TAFA2: variants seen among roughly 807,000 people sequenced by gnomAD.
TAFA2 encodes TAFA chemokine like family member 2.
Under a neutral mutation model 18.8 loss-of-function variants are expected in TAFA2, and 7 were observed. The ratio of observed to expected loss-of-function variants is 0.37; its 90% CI spans 0.21 to 0.70. The LOEUF is 0.70. TAFA2 is among the 30% of genes least tolerant of loss of function. TAFA2 has a pLI of 0.53. For missense variants in TAFA2, 122 were observed against 158.1 expected (o/e 0.77, Z 1.23); for synonymous variants, 60 against 54.2 (o/e 1.11, Z -0.47).
intron 1 of TAFA2, among the ~76,000 whole-genome samples, chr12:62,153,215 G>T (rs1202874094): frequency 6.6e-6 from 1 of 152,126 alleles, no homozygotes; most frequent in East Asian, 1.9e-4. Flanking sequence ...ACCCATGCAG[G>T]TGTTTGTCAC....
chr12:62,047,856 G>A (rs750734538), intron 1 of TAFA2, among the ~76,000 whole-genome samples: 43 of 152,134 alleles, frequency 2.8e-4, no homozygotes, highest in Non-Finnish European at 5.9e-5. Flanking sequence ...AGGAGAATAT[G>A]CATGCTGAAA....
chr12:62,105,045 G>A (rs531925942), intron 1 of TAFA2: 9 of 185,220 alleles, frequency 4.9e-5, no homozygotes, highest in Middle Eastern at 2.3e-3. Flanking sequence ...AGGGGGAAAG[G>A]TCTCCCTTTT....
chr12:61,990,176 T>C (rs772641551), intron 1 of TAFA2, among the ~76,000 whole-genome samples: 1 of 152,034 alleles, frequency 6.6e-6, no homozygotes, highest in Non-Finnish European at 1.5e-5. Context: ...TCAAGACAGC[T>C]GCAGTATAAT....
chr12:62,086,775 C>T (rs1868475488), intron 1 of TAFA2, among the ~76,000 whole-genome samples: 2 of 152,070 alleles, frequency 1.3e-5, no homozygotes, highest in Non-Finnish European at 2.9e-5. Context: ...CCAGCAATTT[C>T]ACATCTGGTT....
At chr12:61,877,340 A>G (rs1422392834) in intron 1 of TAFA2, among the ~76,000 whole-genome samples, 3 of 152,060 alleles carry the variant, frequency 2.0e-5, no homozygotes, top group Non-Finnish European at 1.5e-5. Flanking sequence ...CATTTTCCTT[A>G]TGGATGAATT....
intron 2 of TAFA2, among the ~76,000 whole-genome samples, chr12:61,778,073 C>T (rs560924141): frequency 1.3e-5 from 2 of 151,870 alleles, no homozygotes; most frequent in Admixed American, 6.6e-5. Flanking sequence ...AGTTATTTCA[C>T]TAAAAAGTCT....
At chr12:62,047,739 T>A (rs1276561816) in intron 1 of TAFA2, among the ~76,000 whole-genome samples, 1 of 152,174 alleles carries the variant, frequency 6.6e-6, no homozygotes, top group Non-Finnish European at 1.5e-5. Flanking sequence ...CTAAGAAAGT[T>A]TTTTTAAATA....
At position 61,912,357 on chromosome 12, in the gene TAFA2, A is replaced by T. The variant is rs143071843; in HGVS notation, c.-1-44931T>A. On this transcript the variant is annotated intron_variant, in intron 1 of 4. Coordinates refer to ENST00000416284, the MANE Select transcript of TAFA2 (RefSeq NM_178539.5). ...ACACTTGAGTTGTGACTAGAGACAC[A>T]TGTTGAAATTATAATATTGGAGATA... 1.6e-4 allele frequency among the ~76,000 whole-genome samples: 24 copies of T among 152,348 alleles called. No homozygotes were observed. The East Asian group carries it at 3.3e-3, about 21-fold the overall frequency.
At chr12:62,176,884 G>T (rs2062517873) in intron 1 of TAFA2, among the ~76,000 whole-genome samples, 1 of 152,210 alleles carries the variant, frequency 6.6e-6, no homozygotes, top group Non-Finnish European at 1.5e-5. Flanking sequence ...ATGCAATACT[G>T]TGTGGTTAAA....
intron 2 of TAFA2, among the ~76,000 whole-genome samples, chr12:61,811,561 T>A (rs1871870042): frequency 6.6e-6 from 1 of 151,448 alleles, no homozygotes; most frequent in Non-Finnish European, 1.5e-5. Context: ...AAAATCTAGT[T>A]GGGAACATGA....
At chr12:62,176,322 C>A (rs2062513250) in intron 1 of TAFA2, among the ~76,000 whole-genome samples, 1 of 152,146 alleles carries the variant, frequency 6.6e-6, no homozygotes, top group African/African-American at 2.4e-5. Context: ...ACTCACCCAG[C>A]ATTTAGCATC....
chr12:61,892,323 A>G (rs576174864), intron 1 of TAFA2, among the ~76,000 whole-genome samples: 1 of 152,250 alleles, frequency 6.6e-6, no homozygotes, highest in Admixed American at 6.5e-5. Flanking sequence ...CAGATGTCCA[A>G]GATATTACGT....
At position 62,110,154 on chromosome 12, in the gene TAFA2, C is replaced by T. The variant is rs1474697513; in HGVS notation, c.-2+81105G>A. On this transcript the variant is annotated intron_variant, in intron 1 of 4. Coordinates refer to ENST00000416284, the MANE Select transcript of TAFA2 (RefSeq NM_178539.5). ...CTTATTATTTTCAGATGTGTTCCAT[C>T]TATACCTAGTTTATTGAGAGTTTTT... Among the ~76,000 whole-genome samples, 3 of 152,288 alleles carry T rather than the reference C, an allele frequency of 2.0e-5. No individual in the cohort carries two copies. The East Asian group carries it at 5.8e-4, about 29-fold the overall frequency.
At chr12:61,753,561 C>T in intron 4 of TAFA2, 61 bp downstream of exon 4, 3 of 1,509,202 alleles carry the variant, frequency 2.0e-6, no homozygotes, top group South Asian at 1.2e-5. Flanking sequence ...GGTTACTGCA[C>T]AAGCTCCGTT....
intron 1 of TAFA2, chr12:62,136,166 A>G (rs1403825154): frequency 6.6e-6 from 1 of 152,100 alleles, no homozygotes; most frequent in African/African-American, 2.4e-5. Context: ...CAGGGATTTT[A>G]TTAGAAGAAA....
chr12:62,225,765 C>A (rs1384646577), intron 1 of TAFA2, among the ~76,000 whole-genome samples: 1 of 151,960 alleles, frequency 6.6e-6, no homozygotes. Flanking sequence ...ATAAAGATAC[C>A]CCAAAATATG....
intron 1 of TAFA2, among the ~76,000 whole-genome samples, chr12:62,071,164 AAGTGCTAC>A (rs1279530014): frequency 6.6e-6 from 1 of 152,208 alleles, no homozygotes; most frequent in East Asian, 1.9e-4. Context: ...CAGAGGGTAT[AAGTGCTAC>A]AGAAAGACTA....
intron 1 of TAFA2, among the ~76,000 whole-genome samples, chr12:62,002,704 C>A (rs1268471740): frequency 6.6e-6 from 1 of 152,128 alleles, no homozygotes; most frequent in East Asian, 1.9e-4. Context: ...GTCCTTCCAA[C>A]ACTCTGGCCC....
chr12:61,719,501 AT>A (rs953599902), intron 4 of TAFA2, among the ~76,000 whole-genome samples: 6 of 152,028 alleles, frequency 3.9e-5, no homozygotes, highest in African/African-American at 1.2e-4. Context: ...CCACACCTAT[AT>A]GACTGCATCC....
Sources: allele counts gnomAD v4.1 joint callset (sites outside exome capture counted in the v4.1 genomes callset), GRCh38; gene constraint gnomAD v4.1.1; transcripts MANE v1.5; gene names NCBI Gene and HGNC (gene_info 2026-07-23, HGNC 2026-07-21).